The following EYA3 variants were observed in gnomAD, a reference collection of about 807,000 sequenced individuals.
EYA3 encodes the protein protein phosphatase EYA3.
Under a neutral mutation model 80.0 loss-of-function variants are expected in EYA3, and 39 were observed. That is an observed-to-expected ratio of 0.49 (90% confidence interval 0.38 to 0.64). The LOEUF (loss-of-function observed/expected upper bound fraction) is 0.64, where lower values mean the gene tolerates loss of function less well. EYA3 is among the 30% of genes least tolerant of loss of function. EYA3 has a pLI of 0.00. For missense variants in EYA3, 523 were observed against 676.1 expected (o/e 0.77, Z 2.51); for synonymous variants, 206 against 232.8 (o/e 0.88, Z 1.05).
chr1:28,025,551 G>A (rs1426961243), intron 7 of EYA3, among the ~76,000 whole-genome samples: 7 of 152,148 alleles, frequency 4.6e-5, no homozygotes, highest in Non-Finnish European at 1.0e-4. Context: ...GGGTTGTTGT[G>A]AGGATTACGT....
chr1:28,015,571 C>T (rs1641998138), intron 8 of EYA3, among the ~76,000 whole-genome samples: 1 of 151,854 alleles, frequency 6.6e-6, no homozygotes, highest in Non-Finnish European at 1.5e-5. Flanking sequence ...ATATTCTGAG[C>T]AGGTCAGTAA....
intron 1 of EYA3, among the ~76,000 whole-genome samples, chr1:28,065,777 G>A (rs549789069): frequency 7.3e-5 from 11 of 151,030 alleles, no homozygotes; most frequent in Admixed American, 3.3e-4. Flanking sequence ...GGCCGAGGCG[G>A]GCGGATCATG....
intron 16 of EYA3, among the ~76,000 whole-genome samples, chr1:27,983,687 C>T (rs1179321128): frequency 1.3e-5 from 2 of 152,132 alleles, no homozygotes; most frequent in African/African-American, 2.4e-5. Flanking sequence ...GATGGAGTTT[C>T]GCTCGTTGCC....
At chr1:28,044,229 G>A (rs1470794299) in intron 3 of EYA3, among the ~76,000 whole-genome samples, 1 of 152,142 alleles carries the variant, frequency 6.6e-6, no homozygotes, top group African/African-American at 2.4e-5. Context: ...CAGTGGTTAG[G>A]AGTGTTGATT....
chr1:28,050,199 A>AT (rs1279391017), intron 2 of EYA3, among the ~76,000 whole-genome samples: 10 of 135,550 alleles, frequency 7.4e-5, no homozygotes, highest in African/African-American at 2.1e-4. Context: ...TATTATTATT[A>AT]TTATTTTTTT....
intron 1 of EYA3, among the ~76,000 whole-genome samples, chr1:28,062,866 G>A (rs902974496): frequency 1.3e-5 from 2 of 151,966 alleles, no homozygotes; most frequent in African/African-American, 4.8e-5. Context: ...ATCTGGCGTG[G>A]TGGCACGCGC....
intron 1 of EYA3, among the ~76,000 whole-genome samples, chr1:28,065,031 G>C (rs1037047640): frequency 3.9e-5 from 6 of 152,210 alleles, no homozygotes; most frequent in Admixed American, 2.6e-4. Flanking sequence ...ATTGTATACA[G>C]TAGTCTCCCC....
intron 1 of EYA3, among the ~76,000 whole-genome samples, chr1:28,087,726 A>C (rs1645713708): frequency 6.6e-6 from 1 of 152,234 alleles, no homozygotes; most frequent in South Asian, 2.1e-4. Context: ...CACAAAACTG[A>C]CAGAACTTCT....
chr1:28,028,704 A>T (rs1642937456), intron 6 of EYA3, among the ~76,000 whole-genome samples: 1 of 151,410 alleles, frequency 6.6e-6, no homozygotes, highest in African/African-American at 2.4e-5. Flanking sequence ...GGCATGAGCC[A>T]CTACACTCAG....
Position 28,057,302 on chromosome 1 carries a change from CCT to C in EYA3, c.33+690_33+691del, listed in dbSNP as rs371006862. On this transcript the variant is annotated intron_variant, in intron 2 of 17. Transcript: ENST00000373871. Reference sequence around the variant, plus strand: ...AAAGTAAACATGTACCATGCTGTATCCTCTCTTAATATGAAATGTAAGAGGCC... The same window carrying C: ...AAAGTAAACATGTACCATGCTGTATCCTCTTAATATGAAATGTAAGAGGCC... 9.2e-3 allele frequency among the ~76,000 whole-genome samples: 1,396 copies of C among 152,140 alleles called. 9 individuals are homozygous for C. Among genetic ancestry groups the C allele is most frequent in the African/African-American group, 0.017 (698 of 41,534 alleles).
At position 27,982,612 on chromosome 1, in the gene EYA3, A is replaced by G. The variant is rs552636162; in HGVS notation, c.1541-4138T>C. On this transcript the variant is annotated intron_variant, in intron 16 of 17. Transcript: ENST00000373871. ...GTTCATCAGTTTTTCTTTTTTTTTGAGACAGAGTCTTGCTCTGTTGTCCAG... is the reference window on the plus strand; with the variant it reads ...GTTCATCAGTTTTTCTTTTTTTTTGGGACAGAGTCTTGCTCTGTTGTCCAG... 2.0e-5 allele frequency among the ~76,000 whole-genome samples: 3 copies of G among 151,070 alleles called. No individual in the cohort carries two copies. In the East Asian group the frequency reaches 5.8e-4, roughly 29 times the overall value.
intron 6 of EYA3, among the ~76,000 whole-genome samples, chr1:28,034,760 AT>A (rs1228319187): frequency 3.9e-5 from 6 of 152,172 alleles, no homozygotes; most frequent in Admixed American, 3.9e-4. Context: ...AATTTTTCTA[AT>A]TCGTAGCTTG....
chr1:28,069,754 C>G (rs921684731), intron 1 of EYA3, among the ~76,000 whole-genome samples: 1 of 152,102 alleles, frequency 6.6e-6, no homozygotes, highest in Non-Finnish European at 1.5e-5. Flanking sequence ...TAGCCTAATA[C>G]CCAGATCCTG....
In EYA3 at chr1:28,044,575, A is replaced by G. The variant is rs558001547; in HGVS notation, c.78-1925T>C. 5.9e-5 allele frequency among the ~76,000 whole-genome samples: 9 copies of G among 152,312 alleles called. No individual in the cohort carries two copies. The South Asian group carries it at 1.4e-3, about 25-fold the overall frequency. On this transcript the variant is annotated intron_variant, in intron 3 of 17. Transcript: ENST00000373871. ...GAAGACACTGTACCAGAGGTTCTAT[A>G]TATCTGGAAAGATAATGCTGACTAA... is the stretch of plus-strand genomic sequence containing the variant.
intron 1 of EYA3, among the ~76,000 whole-genome samples, chr1:28,080,402 A>G (rs934976878): frequency 1.3e-5 from 2 of 152,158 alleles, no homozygotes; most frequent in African/African-American, 4.8e-5. Flanking sequence ...GGCTGCAGTG[A>G]GCCGTGATAG....
intron 3 of EYA3, among the ~76,000 whole-genome samples, chr1:28,046,961 C>G (rs1445155667): frequency 1.3e-5 from 2 of 151,766 alleles, no homozygotes; most frequent in African/African-American, 4.8e-5. Context: ...AATCCTCCTG[C>G]CTCAGCCCCG....
intron 1 of EYA3, among the ~76,000 whole-genome samples, chr1:28,073,127 A>ATATATT (rs1553157671): frequency 2.7e-4 from 4 of 14,998 alleles, no homozygotes; most frequent in African/African-American, 6.3e-4. Context: ...ATATATATAT[A>ATATATT]TTTTTTTTTT....
chr1:28,000,041 T>C lies in EYA3; in HGVS notation c.1002A>G (p.Thr334=). 6.2e-7 allele frequency: 1 copy of C among 1,606,572 alleles called. No homozygotes were observed. The highest frequency in any genetic ancestry group is 8.5e-7 in the Non-Finnish European group (1 of 1,176,322). The change falls in exon 12 of 18, where the codon ACA becomes ACG. Residue 334 remains threonine (T), a synonymous_variant. Transcript: ENST00000373871. Reference sequence around the variant, plus strand: ...TTGTTAAACCTGAGCCAATCACTACTGTTGGGTCCTAGAAGACAATAAGAA... The same window carrying C: ...TTGTTAAACCTGAGCCAATCACTACCGTTGGGTCCTAGAAGACAATAAGAA... ...SYAQKYGKDP[T]VVIGSGLTME...
intron 17 of EYA3, among the ~76,000 whole-genome samples, chr1:27,975,025 T>C (rs1049770187): frequency 6.6e-6 from 1 of 152,210 alleles, no homozygotes; most frequent in African/African-American, 2.4e-5. Context: ...TACTGTCTCA[T>C]GGATGGTCAA....
Sources: allele counts gnomAD v4.1 joint callset (sites outside exome capture counted in the v4.1 genomes callset), GRCh38; gene constraint gnomAD v4.1.1; transcripts MANE v1.5; gene names NCBI Gene and HGNC (gene_info 2026-07-23, HGNC 2026-07-21).